Variants in MICAL3 observed in about 807,000 individuals in gnomAD.
MICAL3 encodes the protein [F-actin]-monooxygenase MICAL3.
MICAL3 carries 62 observed loss-of-function variants against 207.4 expected under a neutral mutation model. The ratio of observed to expected loss-of-function variants is 0.30; its 90% CI spans 0.24 to 0.37. MICAL3 has a LOEUF of 0.37. Among genes scored for constraint, MICAL3 ranks in the 10% least tolerant of loss-of-function variants. The pLI, the probability that MICAL3 is intolerant of heterozygous loss-of-function variation, is 1.00. For missense variants in MICAL3, 2,368 were observed against 2,635.6 expected, an observed-to-expected ratio of 0.90 and a Z score of 2.22; for synonymous variants, 1,077 against 1,069.3, an observed-to-expected ratio of 1.01 and a Z score of -0.14.
rs1287904300 is a variant in MICAL3 at position 17,790,588 on chromosome 22, C to T, written c.*144G>A. Reference sequence around the variant, plus strand: ...GGGGCTCCCCACTGCACGCGGGACTCGACCACTTTCCAAGCAGCACACGGG... The same window carrying T: ...GGGGCTCCCCACTGCACGCGGGACTTGACCACTTTCCAAGCAGCACACGGG... On this transcript the variant is annotated 3_prime_UTR_variant, in exon 32 of 32. Transcript: ENST00000441493. The T allele has an allele frequency of 3.0e-5, 23 of 754,112 alleles. No homozygotes were observed. Among genetic ancestry groups the T allele is most frequent in the Admixed American group, 1.7e-4 (6 of 34,616 alleles). 46.7% of individuals were successfully genotyped at this position (754,112 alleles called of 1,614,324 possible). A position where few individuals can be genotyped will look rare whatever the true frequency, so the allele number is the denominator to read the frequency against.
rs989325408 is a variant in MICAL3, at chr22:18,024,475, G to A, written c.-269C>T. On this transcript the variant is annotated 5_prime_UTR_variant, in exon 1 of 32. Transcript: ENST00000441493. ...GGGCCCAGGGGTTCTCAGGCCGCGC[G>A]GCGAGGACGGAGGGCTGCCCCGGGT... is the stretch of plus-strand genomic sequence containing the variant. 6.6e-6 allele frequency: 1 copy of A among 152,040 alleles called. No individual in the cohort carries two copies. Among genetic ancestry groups the A allele is most frequent in the African/African-American group, 2.4e-5 (1 of 41,446 alleles). 9.4% of individuals were successfully genotyped at this position (152,040 alleles called of 1,614,324 possible).
In MICAL3 at chr22:17,989,184, C is replaced by G. The variant is rs527266529; in HGVS notation, c.-75+35097G>C. On this transcript the variant is annotated intron_variant, in intron 1 of 31. Coordinates refer to ENST00000441493, the MANE Select transcript of MICAL3 (RefSeq NM_015241.3). ...TGACCAGGAGAATAAACAAGAAAGC[C>G]CTCAACGCCATGCCTTTGCTCATGC... Among the ~76,000 whole-genome samples the G allele has an allele frequency of 2.5e-4, 38 of 152,230 alleles. No homozygotes were observed. In the South Asian group the frequency reaches 7.7e-3, roughly 31 times the overall value.
At chr22:17,989,863 G>C (rs929195092) in intron 1 of MICAL3, among the ~76,000 whole-genome samples, 12 of 152,174 alleles carry the variant, frequency 7.9e-5, no homozygotes. Context: ...AGAAGTAATA[G>C]TTAGCATGCT....
intron 1 of MICAL3, among the ~76,000 whole-genome samples, chr22:18,013,058 T>C (rs1200750765): frequency 6.6e-6 from 1 of 152,192 alleles, no homozygotes; most frequent in Non-Finnish European, 1.5e-5. Flanking sequence ...CAGCCTCATC[T>C]AGTCTGACCT....
chr22:17,828,394 C>A (rs996787606), intron 21 of MICAL3, among the ~76,000 whole-genome samples: 3 of 152,220 alleles, frequency 2.0e-5, no homozygotes, highest in African/African-American at 7.2e-5. Context: ...GCAGCTGGAG[C>A]TGCTGCTGGA....
chr22:18,007,496 T>G (rs901595870), intron 1 of MICAL3, among the ~76,000 whole-genome samples: 3 of 151,594 alleles, frequency 2.0e-5, no homozygotes, highest in African/African-American at 7.3e-5. Context: ...AGTGGCACAG[T>G]CATAGTTCAC....
At chr22:17,862,982 G>A (rs374638045) in intron 19 of MICAL3, 111 of 985,386 alleles carry the variant, frequency 1.1e-4, no homozygotes, top group African/African-American at 4.0e-4. Flanking sequence ...GGACAGAGAC[G>A]TCCTCAGGGC....
At chr22:17,813,513 C>T (rs1230954457) in intron 27 of MICAL3, 1 of 152,264 alleles carries the variant, frequency 6.6e-6, no homozygotes, top group Non-Finnish European at 1.5e-5. Flanking sequence ...GGTGGACCCA[C>T]CTCTCCCACA....
intron 1 of MICAL3, among the ~76,000 whole-genome samples, chr22:17,976,223 C>T (rs1935623229): frequency 6.6e-6 from 1 of 152,160 alleles, no homozygotes; most frequent in Non-Finnish European, 1.5e-5. Context: ...TTAAGTTTTT[C>T]ATTCTGGTAA....
chr22:17,986,455 G>GGCTGCAGTGAGCCAAGATGGTGCC (rs1921021651), intron 1 of MICAL3, among the ~76,000 whole-genome samples: 1 of 152,016 alleles, frequency 6.6e-6, no homozygotes, highest in African/African-American at 2.4e-5. Flanking sequence ...GGGAGGCAGA[G>GGCTGCAGTGAGCCAAGATGGTGCC]GCTGCAGTGA....
At chr22:17,942,599 T>C (rs560726050) in intron 1 of MICAL3, among the ~76,000 whole-genome samples, 3 of 152,106 alleles carry the variant, frequency 2.0e-5, no homozygotes, top group African/African-American at 7.2e-5. Context: ...CGCCAGCAGA[T>C]CCCTGATGAA....
At chr22:18,007,893 A>G (rs1230097183) in intron 1 of MICAL3, among the ~76,000 whole-genome samples, 4 of 122,282 alleles carry the variant, frequency 3.3e-5, no homozygotes, top group Non-Finnish European at 4.8e-5. Flanking sequence ...ACTGCACTCC[A>G]GCCTGGACGA....
intron 13 of MICAL3, 49 bp from the exon 14 acceptor site, chr22:17,887,484 C>T (rs1930023021): frequency 7.5e-7 from 1 of 1,336,612 alleles, no homozygotes; most frequent in South Asian, 1.2e-5. Flanking sequence ...GAGGGCGCCG[C>T]AAAATCCTGA....
intron 16 of MICAL3, chr22:17,884,220 G>A: frequency 7.9e-7 from 1 of 1,262,944 alleles, no homozygotes; most frequent in Non-Finnish European, 1.1e-6. Flanking sequence ...CTCAGGAGGA[G>A]GGGTAGGAAG....
intron 1 of MICAL3, among the ~76,000 whole-genome samples, chr22:17,968,041 CAAA>C (rs34366249): frequency 7.9e-6 from 1 of 127,016 alleles, no homozygotes. Flanking sequence ...GACTCCGTCT[CAAA>C]AAAAAAAAAG....
intron 1 of MICAL3, among the ~76,000 whole-genome samples, chr22:17,948,456 T>C (rs973755227): frequency 6.6e-6 from 1 of 151,894 alleles, no homozygotes; most frequent in Non-Finnish European, 1.5e-5. Context: ...CAGCTCCTGC[T>C]CCTCCCCTCC....
At chr22:17,824,722 T>A (rs1921993022) in intron 22 of MICAL3, among the ~76,000 whole-genome samples, 1 of 152,148 alleles carries the variant, frequency 6.6e-6, no homozygotes, top group Admixed American at 6.5e-5. Context: ...CCGTGCCAAA[T>A]GCTATCCTAC....
chr22:18,005,360 G>A (rs1054941716), intron 1 of MICAL3: 2 of 152,212 alleles, frequency 1.3e-5, no homozygotes, highest in African/African-American at 4.8e-5. Context: ...ACAGCTCAGA[G>A]AGCATGACCG....
chr22:18,016,541 C>G (rs7284666), intron 1 of MICAL3, among the ~76,000 whole-genome samples: 32,425 of 152,138 alleles, frequency 0.21, 3,927 homozygotes, highest in East Asian at 0.38. Context: ...TTGGCAATCA[C>G]TCTTCTATTT....
Sources: gnomAD v4.1 joint callset for allele counts (sites outside exome capture counted in the v4.1 genomes callset) on GRCh38, gnomAD v4.1.1 for gene constraint, MANE v1.5 for transcripts, NCBI Gene and HGNC (gene_info 2026-07-23, HGNC 2026-07-21) for gene names.